KCNT1: variants seen among roughly 807,000 people sequenced by gnomAD.
KCNT1 encodes the protein potassium sodium-activated channel subfamily T member 1.
Under a neutral mutation model 147.8 loss-of-function variants are expected in KCNT1, and 78 were observed. That is an observed-to-expected ratio of 0.53 (90% CI 0.44 to 0.64). The LOEUF (loss-of-function observed/expected upper bound fraction) is 0.64, where lower values mean the gene tolerates loss of function less well. KCNT1 is among the 30% of genes least tolerant of loss of function. The probability of loss-of-function intolerance (pLI) is 0.00; values close to 1 mark genes in which losing one functional copy is unlikely to be tolerated. For missense variants in KCNT1, 1,419 were observed against 1,750.3 expected, an observed-to-expected ratio of 0.81 and a Z score of 3.38; for synonymous variants, 867 against 748.8, an observed-to-expected ratio of 1.16 and a Z score of -2.58.
Position 135,766,220 on chromosome 9 carries a change from A to T in KCNT1, c.1337+460A>T, listed in dbSNP as rs567229655. ...CAGGGGGGACCATCCAGGGTGGGTC[A>T]TCTGGGATGGACTGTTCAGGGTGGA... On this transcript the variant is annotated intron_variant, in intron 13 of 30. Coordinates refer to ENST00000371757, the MANE Select transcript of KCNT1 (RefSeq NM_020822.3). 7.3e-5 allele frequency among the ~76,000 whole-genome samples: 11 copies of T among 150,010 alleles called. No individual in the cohort carries two copies. The South Asian group carries it at 2.1e-3, about 29-fold the overall frequency.
intron 5 of KCNT1, 107 bp from the exon 6 acceptor site, chr9:135,755,014 C>T (rs1355864059): frequency 3.0e-6 from 3 of 988,244 alleles, no homozygotes; most frequent in Non-Finnish European, 4.4e-6. Context: ...ATGAGCAGCA[C>T]ATGCTTGGGG....
chr9:135,745,907 C>T (rs531215817), intron 2 of KCNT1, among the ~76,000 whole-genome samples: 13 of 152,316 alleles, frequency 8.5e-5, no homozygotes, highest in South Asian at 8.3e-4. Context: ...GAACCTCTGC[C>T]GCAGCAAGGA....
At position 135,752,806 on chromosome 9, in the gene KCNT1, T is replaced by A. The variant is rs1165964418; in HGVS notation, c.435-1131T>A. ...GATGGATGGATGGATGGATGGATGA[T>A]GCGTGGATGGGTGGAGGGATGGATG... On this transcript the variant is annotated intron_variant, in intron 4 of 30. Transcript: ENST00000371757. This position sits in a 1 kb window ranked among gnomAD's most constrained non-coding sequence, Gnocchi z 5.1. Among the ~76,000 whole-genome samples the A allele has an allele frequency of 7.3e-6, 1 of 136,444 alleles. No individual in the cohort carries two copies. Among genetic ancestry groups the A allele is most frequent in the Non-Finnish European group, 1.6e-5 (1 of 63,778 alleles). The allele number at this position is 136,444 out of a possible 152,430, so 89.5% of individuals were successfully genotyped here.
At chr9:135,720,045 G>C (rs1031360614) in intron 2 of KCNT1, among the ~76,000 whole-genome samples, 1 of 152,166 alleles carries the variant, frequency 6.6e-6, no homozygotes, top group African/African-American at 2.4e-5. Flanking sequence ...ACGGGGCAGC[G>C]GGCCTGCGTG....
Position 135,714,622 on chromosome 9 carries a change from C to T in KCNT1, c.156C>T (p.Phe52=). ...GDGALLDTAG[F]KMSDLDSEVL... Reference sequence around the variant, plus strand: ...GCGCGCTCCTGGACACCGCCGGCTTCAAGATGAGCGACCTGGACTCCGAGG... The same window carrying T: ...GCGCGCTCCTGGACACCGCCGGCTTTAAGATGAGCGACCTGGACTCCGAGG... The change falls in exon 2 of 31, where the codon TTC becomes TTT. Residue 52 remains phenylalanine, a synonymous_variant. Coordinates refer to ENST00000371757, the MANE Select transcript of KCNT1 (RefSeq NM_020822.3). The surrounding 1 kb of genome is among the most constrained non-coding windows in gnomAD (Gnocchi z 6.2). 1.4e-6 allele frequency: 2 copies of T among 1,458,384 alleles called. No homozygotes were observed. Among genetic ancestry groups the T allele is most frequent in the Non-Finnish European group, 9.1e-7 (1 of 1,093,238 alleles). The allele number at this position is 1,458,384 out of a possible 1,614,324, so 90.3% of individuals were successfully genotyped here.
At chr9:135,736,605 C>G (rs910335467) in intron 2 of KCNT1, 1 of 150,584 alleles carries the variant, frequency 6.6e-6, no homozygotes, top group African/African-American at 2.4e-5. Context: ...CGCCGCCCGC[C>G]GCCCGCCGCG....
intron 2 of KCNT1, among the ~76,000 whole-genome samples, chr9:135,744,298 G>A (rs930735321): frequency 6.6e-6 from 1 of 152,262 alleles, no homozygotes; most frequent in Non-Finnish European, 1.5e-5. Context: ...GTCACAGGGC[G>A]GCCGGCACTT....
intron 24 of KCNT1, among the ~76,000 whole-genome samples, chr9:135,781,449 G>A (rs1309560465): frequency 2.6e-5 from 4 of 152,314 alleles, no homozygotes; most frequent in South Asian, 4.1e-4. Context: ...CAGGGGCTGC[G>A]TCTTCTCCAG....
intron 2 of KCNT1, among the ~76,000 whole-genome samples, chr9:135,744,917 T>C (rs1262075609): frequency 6.6e-6 from 1 of 152,184 alleles, no homozygotes; most frequent in Admixed American, 6.5e-5. Context: ...CGGTCCCTGG[T>C]GTGCCCCGTC....
At chr9:135,751,531 G>A (rs1415681936) in intron 4 of KCNT1, among the ~76,000 whole-genome samples, 1 of 152,166 alleles carries the variant, frequency 6.6e-6, no homozygotes, top group Admixed American at 6.5e-5. Flanking sequence ...GAGGTGCTGG[G>A]GGCAGCAATC....
intron 11 of KCNT1, among the ~76,000 whole-genome samples, chr9:135,762,223 C>T (rs749204085): frequency 1.1e-4 from 16 of 152,198 alleles, no homozygotes; most frequent in Non-Finnish European, 1.9e-4. Flanking sequence ...GCGGGAGGAT[C>T]GCTTGAGCCC....
intron 28 of KCNT1, chr9:135,785,609 C>G: frequency 1.7e-6 from 1 of 595,360 alleles, no homozygotes; most frequent in East Asian, 2.8e-5. Flanking sequence ...CCAGGCCCCA[C>G]CAAGGCAGGC....
intron 1 of KCNT1, among the ~76,000 whole-genome samples, chr9:135,707,745 A>C (rs1253781269): frequency 3.3e-5 from 5 of 152,082 alleles, no homozygotes; most frequent in Non-Finnish European, 1.5e-5. Flanking sequence ...GATGGCCCCC[A>C]CAGCCTCGCC....
rs922159849 is a variant in KCNT1 at position 135,752,532 on chromosome 9, T to A, written c.435-1405T>A. 1.4e-5 allele frequency: 6 copies of A among 438,220 alleles called. No homozygotes were observed. Among genetic ancestry groups the A allele is most frequent in the Admixed American group, 7.6e-5 (3 of 39,488 alleles). The allele number at this position is 438,220 out of a possible 1,614,324, so 27.1% of individuals were successfully genotyped here. A position where few individuals can be genotyped will look rare whatever the true frequency, so the allele number is the denominator to read the frequency against. The stretch of plus-strand genomic sequence containing the variant: ...ATCCCCACAGGGCCCAAGTCTGTTG[T>A]GTTCACTGCCCGTCCCCTAGCACAG... On this transcript the variant is annotated intron_variant, in intron 4 of 30. Transcript: ENST00000371757. This position sits in a 1 kb window ranked among gnomAD's most constrained non-coding sequence, Gnocchi z 5.1.
chr9:135,720,626 C>A (rs1327290272), intron 2 of KCNT1, among the ~76,000 whole-genome samples: 1 of 152,176 alleles, frequency 6.6e-6, no homozygotes, highest in African/African-American at 2.4e-5. Flanking sequence ...CTTTGCTCCG[C>A]CTCTCTTGGG....
At chr9:135,770,532 G>C in intron 17 of KCNT1, 85 bp downstream of exon 17, 1 of 1,505,076 alleles carries the variant, frequency 6.6e-7, no homozygotes, top group Non-Finnish European at 8.9e-7. Flanking sequence ...AGGCACAGGG[G>C]TGGCCCTGGG....
chr9:135,786,549 C>T lies in KCNT1; in HGVS notation c.3502+28C>T, dbSNP rs538617686. 2.0e-5 allele frequency: 31 copies of T among 1,534,228 alleles called. No homozygotes were observed. The East Asian group carries it at 4.1e-4, about 20-fold the overall frequency. ...AAGGGCACACGGCGCGGGTGGGGGC[C>T]GGACGGACGGACTGGGCCAGGGTCG... On this transcript the variant is annotated intron_variant, in intron 29 of 30. Transcript: ENST00000371757.
At chr9:135,781,060 C>T (rs552803062) in intron 24 of KCNT1, among the ~76,000 whole-genome samples, 73 of 152,370 alleles carry the variant, frequency 4.8e-4, no homozygotes, top group South Asian at 3.3e-3. Flanking sequence ...TCCGCCCCGC[C>T]GTGGGGCCCA....
intron 1 of KCNT1, among the ~76,000 whole-genome samples, chr9:135,709,736 A>C (rs2131319816): frequency 6.6e-6 from 1 of 152,176 alleles, no homozygotes; most frequent in South Asian, 2.1e-4. Flanking sequence ...GCTGGAGTGC[A>C]GTGGTGCGAT....
Sources: gnomAD v4.1 joint callset for allele counts (sites outside exome capture counted in the v4.1 genomes callset) on GRCh38, gnomAD v4.1.1 for gene constraint, Gnocchi (gnomAD v3.1) non-coding constraint, MANE v1.5 for transcripts, NCBI Gene and HGNC (gene_info 2026-07-23, HGNC 2026-07-21) for gene names.